RELN: variants seen among roughly 807,000 people sequenced by gnomAD.
RELN encodes reelin.
Under a neutral mutation model 427.6 loss-of-function variants are expected in RELN, and 108 were observed. The ratio of observed to expected loss-of-function variants is 0.25; its 90% CI spans 0.22 to 0.30. The LOEUF is 0.30. Ranked by LOEUF, RELN falls within the 10% of genes least tolerant of loss-of-function variation. The probability of loss-of-function intolerance (pLI) is 1.00; values close to 1 mark genes in which losing one functional copy is unlikely to be tolerated. For missense variants in RELN, 3,715 were observed against 4,302.8 expected, an observed-to-expected ratio of 0.86 and a Z score of 3.82; for synonymous variants, 1,524 against 1,513.4, an observed-to-expected ratio of 1.01 and a Z score of -0.16.
chr7:103,666,971 C>T (rs901192333), intron 11 of RELN, among the ~76,000 whole-genome samples: 1 of 152,284 alleles, frequency 6.6e-6, no homozygotes, highest in East Asian at 1.9e-4. Context: ...CTTCAGCCTT[C>T]GATTACATAT....
chr7:103,575,666 C>G lies in RELN; in HGVS notation c.4185G>C (p.Gln1395His). The change falls in exon 29 of 65, where the codon CAG (glutamine) becomes CAC (histidine). Residue 1395 changes from glutamine to histidine, a missense_variant. Coordinates refer to ENST00000428762, the MANE Select transcript of RELN (RefSeq NM_005045.4). ...RFRWIQESSS[Q>H]KNVPPFGLDG... ...CTAAACCAAATGGAGGCACGTTTTT[C>G]TGTGAGCTGCTCTCCTGGATCCATC... The G allele has an allele frequency of 6.2e-7, 1 of 1,614,178 alleles. No homozygotes were observed. The highest frequency in any genetic ancestry group is 8.5e-7 in the Non-Finnish European group (1 of 1,180,018).
At chr7:103,773,108 C>CTTTCTT (rs1338221470) in intron 4 of RELN, among the ~76,000 whole-genome samples, 1 of 36,208 alleles carries the variant, frequency 2.8e-5, no homozygotes, top group Admixed American at 3.0e-4. Flanking sequence ...TCTTTTCTTT[C>CTTTCTT]TTTCTTTCTT....
chr7:103,478,456 A>G (rs1182236303), intron 63 of RELN, 62 bp from the exon 64 acceptor site: 2 of 728,996 alleles, frequency 2.7e-6, no homozygotes, highest in Non-Finnish European at 5.0e-6. Context: ...ATGCCTTTCA[A>G]TGCATGCAGC....
At position 103,713,466 on chromosome 7, in the gene RELN, G is replaced by C. The variant is rs116014586; in HGVS notation, c.805+9674C>G. ...GTTGCAGTGAGTGGAAAGAGAGATAGAGATGAATGGACAAATTTTAGGGAG... is the reference window on the plus strand; with the variant it reads ...GTTGCAGTGAGTGGAAAGAGAGATACAGATGAATGGACAAATTTTAGGGAG... On this transcript the variant is annotated intron_variant, in intron 8 of 64. Transcript: ENST00000428762. 9.6e-3 allele frequency among the ~76,000 whole-genome samples: 1,465 copies of C among 152,260 alleles called. 28 individuals are homozygous for C. The highest frequency in any genetic ancestry group is 0.033 in the African/African-American group (1,384 of 41,556).
At chr7:103,589,035 T>C (rs1289866580) in intron 28 of RELN, among the ~76,000 whole-genome samples, 1 of 152,210 alleles carries the variant, frequency 6.6e-6, no homozygotes, top group African/African-American at 2.4e-5. Flanking sequence ...TGGGTGTACC[T>C]AAAAATATTG....
In RELN at chr7:103,566,754, T is replaced by C. The variant is rs794727561; in HGVS notation, c.4594A>G (p.Ile1532Val). ...CCATTGTCATTTGAATACTGAACAA[T>C]AAGCCCTGAGTTAAAAGACATAAAT... ...IKPRTRNEGL[I>V]VQYSNDNGIL... is the part of the protein sequence containing the mutation. Residue 1532 changes from isoleucine to valine, a missense_variant, in exon 32 of 65, where the codon ATT (isoleucine) becomes GTT (valine). By Grantham distance (29) the Ile-to-Val change is conservative. This residue lies in a region of RELN where 2,208 missense variants were observed against 2,361.7 expected (regional missense o/e 0.93). Transcript: ENST00000428762. 2 of 1,613,836 alleles carry C rather than the reference T, an allele frequency of 1.2e-6. No individual in the cohort carries two copies. Among genetic ancestry groups the C allele is most frequent in the African/African-American group, 1.3e-5 (1 of 74,912 alleles).
intron 1 of RELN, among the ~76,000 whole-genome samples, chr7:103,976,839 C>A (rs1796888643): frequency 1.3e-5 from 2 of 152,080 alleles, no homozygotes. Flanking sequence ...TTGATTGAGT[C>A]CAGGAGTTCA....
chr7:103,711,707 A>C (rs1789806294), intron 8 of RELN, among the ~76,000 whole-genome samples: 1 of 152,154 alleles, frequency 6.6e-6, no homozygotes, highest in African/African-American at 2.4e-5. Context: ...CCCAGGCTGG[A>C]GTGCAGTGGT....
intron 59 of RELN, 83 bp downstream of exon 59, chr7:103,490,585 C>T (rs1247524881): frequency 2.8e-6 from 4 of 1,422,892 alleles, no homozygotes; most frequent in Admixed American, 3.3e-5. Flanking sequence ...CTGCCTCACA[C>T]TGTCAGTTGT....
At chr7:103,682,039 C>T in intron 11 of RELN, 77 bp downstream of exon 11, 1 of 1,381,970 alleles carries the variant, frequency 7.2e-7, no homozygotes, top group Non-Finnish European at 1.0e-6. Flanking sequence ...CGCCATTTAA[C>T]AATATGCATT....
intron 2 of RELN, among the ~76,000 whole-genome samples, chr7:103,842,474 C>T (rs1477903792): frequency 1.3e-5 from 2 of 152,118 alleles, no homozygotes; most frequent in African/African-American, 4.8e-5. Flanking sequence ...CAAAGCCAAA[C>T]ATGATTTCAT....
At chr7:103,678,498 AT>A (rs1326584695) in intron 11 of RELN, among the ~76,000 whole-genome samples, 3 of 152,238 alleles carry the variant, frequency 2.0e-5, no homozygotes, top group African/African-American at 7.2e-5. Context: ...CAGCTAAGTG[AT>A]GTGAAAGGCA....
At chr7:103,729,134 G>A (rs1292605236) in intron 6 of RELN, among the ~76,000 whole-genome samples, 1 of 151,998 alleles carries the variant, frequency 6.6e-6, no homozygotes, top group African/African-American at 2.4e-5. Flanking sequence ...GAAATAAAGA[G>A]CAATGTTTCC....
chr7:103,585,021 A>T (rs2535777), intron 28 of RELN, among the ~76,000 whole-genome samples: 75,941 of 151,606 alleles, frequency 0.5, 19,551 homozygotes, highest in South Asian at 0.62. Flanking sequence ...ACAAATGAAA[A>T]TAGGGACACA....
intron 8 of RELN, among the ~76,000 whole-genome samples, chr7:103,706,945 T>C (rs1363363748): frequency 6.6e-6 from 1 of 152,176 alleles, no homozygotes; most frequent in African/African-American, 2.4e-5. Context: ...TCTGCCCTCA[T>C]AGCCTGTCAC....
intron 26 of RELN, 60 bp from the exon 27 acceptor site, chr7:103,593,942 G>C: frequency 7.6e-7 from 1 of 1,317,744 alleles, no homozygotes; most frequent in Non-Finnish European, 1.1e-6. Flanking sequence ...AACAAGAAAG[G>C]AATTTTCATT....
At chr7:103,676,634 C>T (rs1000122819) in intron 11 of RELN, among the ~76,000 whole-genome samples, 62 of 152,144 alleles carry the variant, frequency 4.1e-4, no homozygotes, top group African/African-American at 1.4e-3. Context: ...AGACTTGGAA[C>T]CAACCCAAAT....
chr7:103,802,604 G>C (rs2116315638), intron 3 of RELN, among the ~76,000 whole-genome samples: 1 of 152,186 alleles, frequency 6.6e-6, no homozygotes, highest in East Asian at 1.9e-4. Flanking sequence ...GAAGCATCTT[G>C]TTTAGTAGCA....
At chr7:103,860,587 G>T (rs1468201821) in intron 2 of RELN, among the ~76,000 whole-genome samples, 1 of 152,140 alleles carries the variant, frequency 6.6e-6, no homozygotes, top group Non-Finnish European at 1.5e-5. Context: ...AATAGCAGCA[G>T]CAGTATGGCA....
Sources: allele counts gnomAD v4.1 joint callset (sites outside exome capture counted in the v4.1 genomes callset), GRCh38; gene constraint gnomAD v4.1.1; regional missense constraint gnomAD v4.1.1; transcripts MANE v1.5; gene names NCBI Gene and HGNC (gene_info 2026-07-23, HGNC 2026-07-21).